The following TBC1D22B variants were observed in gnomAD, a reference collection of about 807,000 sequenced individuals.
TBC1D22B encodes TBC1 domain family member 22B.
Under a neutral mutation model 69.1 loss-of-function variants are expected in TBC1D22B, and 32 were observed. The ratio of observed to expected loss-of-function variants is 0.46; its 90% confidence interval spans 0.35 to 0.62. TBC1D22B has a LOEUF of 0.62. TBC1D22B is among the 20% of genes least tolerant of loss of function. The probability of loss-of-function intolerance (pLI) is 0.00; values close to 1 mark genes in which losing one functional copy is unlikely to be tolerated. For missense variants in TBC1D22B, 462 were observed against 630.9 expected (o/e 0.73, Z 2.87); for synonymous variants, 206 against 229.8 (o/e 0.90, Z 0.94).
intron 1 of TBC1D22B, among the ~76,000 whole-genome samples, chr6:37,269,345 G>A (rs1042424635): frequency 2.0e-5 from 3 of 152,264 alleles, no homozygotes; most frequent in Non-Finnish European, 2.9e-5. Context: ...TTTCCATCCT[G>A]CCTTCTTTAC....
Position 37,313,886 on chromosome 6 carries a change from T to C in TBC1D22B, c.1160T>C (p.Ile387Thr). The C allele has an allele frequency of 1.2e-6, 2 of 1,614,104 alleles. No homozygotes were observed. Among genetic ancestry groups the C allele is most frequent in the Non-Finnish European group, 1.7e-6 (2 of 1,179,958 alleles). The part of the protein sequence containing the change: ...VKALEELVSR[I>T]DEQVHNHFRR... ...GCACTGGAAGAGCTTGTCAGCCGGA[T>C]TGATGGTAGGTTCAGAGGGAGAAGA... The change falls in exon 10 of 13, where the codon ATT becomes ACT. Residue 387 changes from isoleucine (I) to threonine (T), a missense_variant. Coordinates refer to ENST00000373491, the MANE Select transcript of TBC1D22B (RefSeq NM_017772.4).
At chr6:37,301,251 G>A (rs1037954837) in intron 8 of TBC1D22B, among the ~76,000 whole-genome samples, 6 of 152,172 alleles carry the variant, frequency 3.9e-5, no homozygotes, top group Non-Finnish European at 4.4e-5. Flanking sequence ...TTATTGGGAT[G>A]TACTTCGTGT....
chr6:37,262,879 C>T (rs548022244), intron 1 of TBC1D22B, among the ~76,000 whole-genome samples: 2 of 152,232 alleles, frequency 1.3e-5, no homozygotes, highest in Non-Finnish European at 2.9e-5. Flanking sequence ...ACTGTTTCAA[C>T]TAGGCAAAAC....
chr6:37,307,889 T>G (rs1012032201), intron 8 of TBC1D22B, among the ~76,000 whole-genome samples: 11 of 152,324 alleles, frequency 7.2e-5, no homozygotes, highest in Admixed American at 2.6e-4. Flanking sequence ...GAGCAGTGAA[T>G]AGACAAGTTA....
At chr6:37,326,166 G>C (rs941409345) in intron 12 of TBC1D22B, among the ~76,000 whole-genome samples, 2 of 151,836 alleles carry the variant, frequency 1.3e-5, no homozygotes, top group African/African-American at 4.8e-5. Context: ...CAGATTACGA[G>C]GTCAAGAGAT....
intron 2 of TBC1D22B, 89 bp downstream of exon 2, chr6:37,269,739 C>A (rs1430411491): frequency 7.9e-7 from 1 of 1,260,462 alleles, no homozygotes; most frequent in Non-Finnish European, 1.2e-6. Context: ...TCCACCTTGA[C>A]ATTTTTTAGC....
intron 10 of TBC1D22B, among the ~76,000 whole-genome samples, chr6:37,316,472 A>C (rs551757207): frequency 6.6e-6 from 1 of 152,352 alleles, no homozygotes; most frequent in South Asian, 2.1e-4. Flanking sequence ...CTCCTAGAAC[A>C]TCACTGGGGG....
intron 12 of TBC1D22B, among the ~76,000 whole-genome samples, chr6:37,327,082 A>G (rs1304644448): frequency 6.6e-6 from 1 of 152,194 alleles, no homozygotes; most frequent in Non-Finnish European, 1.5e-5. Context: ...GGAAGGAGGT[A>G]GGAAGCAGCA....
chr6:37,315,138 T>C (rs1157869131), intron 10 of TBC1D22B, among the ~76,000 whole-genome samples: 1 of 152,232 alleles, frequency 6.6e-6, no homozygotes, highest in Non-Finnish European at 1.5e-5. Flanking sequence ...TTTCTGCCAC[T>C]GTCTGCCCTA....
intron 1 of TBC1D22B, among the ~76,000 whole-genome samples, chr6:37,264,389 C>T (rs1311761450): frequency 3.9e-5 from 6 of 152,054 alleles, no homozygotes; most frequent in African/African-American, 4.8e-5. Flanking sequence ...CTCGGCTCAC[C>T]GCAACCTCTG....
intron 8 of TBC1D22B, among the ~76,000 whole-genome samples, chr6:37,299,846 C>T (rs1316528427): frequency 6.6e-6 from 1 of 151,376 alleles, no homozygotes; most frequent in East Asian, 1.9e-4. Flanking sequence ...CCGTCTCTAC[C>T]AAAAATACAC....
At chr6:37,262,449 T>C (rs547419208) in intron 1 of TBC1D22B, among the ~76,000 whole-genome samples, 2 of 152,322 alleles carry the variant, frequency 1.3e-5, no homozygotes, top group South Asian at 4.1e-4. Context: ...TCCAAAAGTG[T>C]TGGGATTACA....
chr6:37,308,336 G>A (rs1184759996), intron 8 of TBC1D22B, among the ~76,000 whole-genome samples: 1 of 152,172 alleles, frequency 6.6e-6, no homozygotes, highest in Non-Finnish European at 1.5e-5. Context: ...TGAACAGATT[G>A]TTTATGCTGA....
chr6:37,267,311 T>TATATATATAAAAA (rs1554182696), intron 1 of TBC1D22B, among the ~76,000 whole-genome samples: 2 of 141,276 alleles, frequency 1.4e-5, no homozygotes, highest in African/African-American at 5.4e-5. Flanking sequence ...GACATACATA[T>TATATATATAAAAA]ATATATATAT....
intron 12 of TBC1D22B, among the ~76,000 whole-genome samples, chr6:37,323,845 C>T (rs1768320230): frequency 6.6e-6 from 1 of 152,188 alleles, no homozygotes; most frequent in Non-Finnish European, 1.5e-5. Flanking sequence ...CTGCCCAAAA[C>T]AAGCTGGTGT....
chr6:37,263,670 G>A (rs1191103737), intron 1 of TBC1D22B, among the ~76,000 whole-genome samples: 3 of 152,144 alleles, frequency 2.0e-5, no homozygotes, highest in South Asian at 4.1e-4. Flanking sequence ...TGCAACTTCC[G>A]CCTCCCGGGT....
chr6:37,269,661 A>G lies in TBC1D22B; in HGVS notation c.113+11A>G. On this transcript the variant is annotated intron_variant, in intron 2 of 12. Transcript: ENST00000373491. ...ACGGCTCACCAAAAAGTAAGTCAAG[A>G]CATTTTCGTTTTATCTATCTACTGC... 6.2e-7 allele frequency: 1 copy of G among 1,614,080 alleles called. No homozygotes were observed. Among genetic ancestry groups the G allele is most frequent in the Non-Finnish European group, 8.5e-7 (1 of 1,179,970 alleles).
intron 12 of TBC1D22B, among the ~76,000 whole-genome samples, chr6:37,324,966 G>GC (rs1171720531): frequency 1.3e-5 from 2 of 152,174 alleles, no homozygotes; most frequent in African/African-American, 4.8e-5. Context: ...AACATCTAGA[G>GC]CCCCATCTGT....
intron 5 of TBC1D22B, among the ~76,000 whole-genome samples, chr6:37,283,714 A>G (rs1766917018): frequency 6.6e-6 from 1 of 152,226 alleles, no homozygotes. Flanking sequence ...GGGAACAGAA[A>G]ATATAAGAAT....
Sources: allele counts gnomAD v4.1 joint callset (sites outside exome capture counted in the v4.1 genomes callset), GRCh38; gene constraint gnomAD v4.1.1; transcripts MANE v1.5; gene names NCBI Gene and HGNC (gene_info 2026-07-23, HGNC 2026-07-21).